Variants in MTUS2 observed in about 807,000 individuals in gnomAD.
The protein encoded by MTUS2 is microtubule associated scaffold protein 2.
A neutral mutation model predicts 114.1 loss-of-function variants in MTUS2; 40 were observed. The observed-to-expected ratio is 0.35, with a 90% confidence interval of 0.27 to 0.46. MTUS2 has a LOEUF of 0.46. Among genes scored for constraint, MTUS2 ranks in the 20% least tolerant of loss-of-function variants. The pLI, the probability that MTUS2 is intolerant of heterozygous loss-of-function variation, is 1.00. For missense variants in MTUS2, 1,679 were observed against 1,705.4 expected (o/e 0.98, Z 0.27); for synonymous variants, 688 against 672.0 (o/e 1.02, Z -0.37).
intron 7 of MTUS2, among the ~76,000 whole-genome samples, chr13:29,358,887 A>C (rs1869980619): frequency 6.7e-6 from 1 of 149,592 alleles, no homozygotes; most frequent in Non-Finnish European, 1.5e-5. Context: ...GACGATTATA[A>C]GTCTGACTTC....
intron 2 of MTUS2, among the ~76,000 whole-genome samples, chr13:28,958,352 A>T (rs970204332): frequency 4.6e-5 from 7 of 152,216 alleles, no homozygotes; most frequent in Admixed American, 3.3e-4. Flanking sequence ...ACGTAAAATG[A>T]ATCTATAAGT....
intron 8 of MTUS2, among the ~76,000 whole-genome samples, chr13:29,401,628 A>G (rs1257546277): frequency 6.6e-6 from 1 of 152,164 alleles, no homozygotes; most frequent in Non-Finnish European, 1.5e-5. Flanking sequence ...TGGATTTGAA[A>G]TGCCACCCTT....
chr13:29,081,018 C>T (rs972394610), intron 4 of MTUS2, among the ~76,000 whole-genome samples: 3 of 152,172 alleles, frequency 2.0e-5, no homozygotes, highest in African/African-American at 7.2e-5. Flanking sequence ...AGCCAACGCG[C>T]CTGGCCCCAG....
intron 4 of MTUS2, among the ~76,000 whole-genome samples, chr13:29,040,969 C>T (rs1887325658): frequency 6.6e-6 from 1 of 152,068 alleles, no homozygotes; most frequent in Non-Finnish European, 1.5e-5. Flanking sequence ...AATTAAGTCC[C>T]AGCTATTTAT....
chr13:29,162,921 G>C (rs1225721176), intron 5 of MTUS2, among the ~76,000 whole-genome samples: 2 of 152,212 alleles, frequency 1.3e-5, no homozygotes, highest in East Asian at 3.9e-4. Context: ...CAAATGGGCA[G>C]TGGCCCCAAA....
intron 1 of MTUS2, among the ~76,000 whole-genome samples, chr13:28,825,327 T>C (rs1296538775): frequency 6.6e-6 from 1 of 152,140 alleles, no homozygotes; most frequent in African/African-American, 2.4e-5. Context: ...TTCCCTGCAG[T>C]CACCCTGGGA....
At chr13:29,453,423 C>G (rs1218165332) in intron 9 of MTUS2, among the ~76,000 whole-genome samples, 1 of 152,142 alleles carries the variant, frequency 6.6e-6, no homozygotes, top group Non-Finnish European at 1.5e-5. Flanking sequence ...GTACCCTTTG[C>G]TATGCCAGGA....
intron 7 of MTUS2, among the ~76,000 whole-genome samples, chr13:29,351,716 C>T (rs1337130653): frequency 6.6e-6 from 1 of 152,002 alleles, no homozygotes; most frequent in Non-Finnish European, 1.5e-5. Context: ...AATCATCCCA[C>T]CTCAGCCTTC....
At chr13:28,993,597 G>T (rs970365691) in intron 2 of MTUS2, among the ~76,000 whole-genome samples, 1 of 152,142 alleles carries the variant, frequency 6.6e-6, no homozygotes, top group Non-Finnish European at 1.5e-5. Context: ...TCTAGAGAAA[G>T]GTAGGGGTCC....
intron 8 of MTUS2, among the ~76,000 whole-genome samples, chr13:29,384,229 G>T (rs933884191): frequency 6.6e-6 from 1 of 152,212 alleles, no homozygotes; most frequent in African/African-American, 2.4e-5. Context: ...GTGCAACAAA[G>T]TAATGATGAG....
At chr13:29,296,722 C>T (rs556662705) in intron 6 of MTUS2, among the ~76,000 whole-genome samples, 1 of 152,156 alleles carries the variant, frequency 6.6e-6, no homozygotes, top group South Asian at 2.1e-4. Flanking sequence ...TTTTTATATA[C>T]CTGGTGGCCA....
intron 2 of MTUS2, among the ~76,000 whole-genome samples, chr13:28,972,248 A>G (rs762253048): frequency 1.2e-4 from 19 of 152,244 alleles, no homozygotes; most frequent in Non-Finnish European, 2.2e-4. Flanking sequence ...AGCCCTTGGC[A>G]TCACAGCAGT....
intron 2 of MTUS2, among the ~76,000 whole-genome samples, chr13:28,892,266 C>T (rs563600790): frequency 3.3e-5 from 5 of 152,124 alleles, no homozygotes; most frequent in South Asian, 2.1e-4. Context: ...CACATGTGTG[C>T]GGGTGGCGCT....
At position 29,265,062 on chromosome 13, in the gene MTUS2, C is replaced by A. The variant is rs190885632; in HGVS notation, c.2645-16642C>A. 1.3e-4 allele frequency among the ~76,000 whole-genome samples: 20 copies of A among 152,330 alleles called. No individual in the cohort carries two copies. The East Asian group carries it at 3.5e-3, about 26-fold the overall frequency. On this transcript the variant is annotated intron_variant, in intron 5 of 15. Coordinates refer to ENST00000612955, the MANE Select transcript of MTUS2 (RefSeq NM_001033602.4). ...CTGCTTCCCTTTTAAATATGAATTT[C>A]AACTTTAAGTCATTTAGTTGCTCCC...
Position 29,053,111 on chromosome 13 carries a change from G to A in MTUS2, c.2446+18986G>A, listed in dbSNP as rs149094041. ...TGGATAATTTATTCTTCATAGCAGC[G>A]TGAGAATGAACTAATACAATGATAA... On this transcript the variant is annotated intron_variant, in intron 4 of 15. Transcript: ENST00000612955. Among the ~76,000 whole-genome samples, 368 of 152,136 alleles carry A rather than the reference G, an allele frequency of 2.4e-3. 4 individuals carry two copies. In the South Asian group the frequency reaches 0.026, roughly 11 times the overall value.
chr13:28,863,397 A>G (rs1877109062), intron 2 of MTUS2, among the ~76,000 whole-genome samples: 1 of 152,190 alleles, frequency 6.6e-6, no homozygotes, highest in Non-Finnish European at 1.5e-5. Flanking sequence ...GAGCCTTTAT[A>G]TAAAAACACA....
chr13:29,074,657 A>G (rs1457687108), intron 4 of MTUS2, among the ~76,000 whole-genome samples: 1 of 152,092 alleles, frequency 6.6e-6, no homozygotes, highest in Non-Finnish European at 1.5e-5. Flanking sequence ...TGACTGCAAT[A>G]CTGACACTAC....
At chr13:28,910,544 C>T (rs572468604) in intron 2 of MTUS2, among the ~76,000 whole-genome samples, 106 of 152,044 alleles carry the variant, frequency 7.0e-4, no homozygotes, top group African/African-American at 8.0e-4. Context: ...CTTCCTCCCC[C>T]CAGCCCCCCA....
At chr13:29,348,119 C>G (rs1013888605) in intron 7 of MTUS2, among the ~76,000 whole-genome samples, 7 of 152,026 alleles carry the variant, frequency 4.6e-5, no homozygotes, top group South Asian at 4.2e-4. Flanking sequence ...AATCTCCAGC[C>G]CCAGAGGAAG....
Sources: allele counts gnomAD v4.1 joint callset (sites outside exome capture counted in the v4.1 genomes callset), GRCh38; gene constraint gnomAD v4.1.1; transcripts MANE v1.5; gene names NCBI Gene and HGNC (gene_info 2026-07-23, HGNC 2026-07-21).